LRRC4C: variants seen among roughly 807,000 people sequenced by gnomAD.
LRRC4C encodes the protein leucine rich repeat containing 4C, also known as leucine-rich repeat-containing protein 4C.
Under a neutral mutation model 33.6 loss-of-function variants are expected in LRRC4C, and 5 were observed. That is an observed-to-expected ratio of 0.15 (90% CI 0.08 to 0.31). LRRC4C has a LOEUF of 0.31. LRRC4C is among the 10% of genes least tolerant of loss of function. The pLI, the probability that LRRC4C is intolerant of heterozygous loss-of-function variation, is 1.00. For missense variants in LRRC4C, 560 were observed against 796.7 expected (o/e 0.70, Z 3.58); for synonymous variants, 329 against 302.0 (o/e 1.09, Z -0.93).
intron 1 of LRRC4C, among the ~76,000 whole-genome samples, chr11:41,116,715 C>T (rs1178354766): frequency 1.3e-5 from 2 of 152,028 alleles, no homozygotes; most frequent in East Asian, 3.9e-4. Flanking sequence ...TTGATGCTAT[C>T]CTGATGATAT....
rs58316595 is a variant in LRRC4C at position 40,730,940 on chromosome 11, G to T, written c.-406-82662C>A. On this transcript the variant is annotated intron_variant, in intron 2 of 6. Coordinates refer to ENST00000528697, the MANE Select transcript of LRRC4C (RefSeq NM_001258419.2). ...CAGTGTTGGCTGTAGGGCCTGGTGG[G>T]AGGTGTTTGTCTCAAGGGGGTGGAA... Among the ~76,000 whole-genome samples, 147 of 152,308 alleles carry T rather than the reference G, an allele frequency of 9.7e-4. 1 individual carries two copies. The highest frequency in any genetic ancestry group is 3.5e-3 in the African/African-American group (144 of 41,580).
At chr11:41,069,182 T>C (rs1056083236) in intron 1 of LRRC4C, among the ~76,000 whole-genome samples, 2 of 152,122 alleles carry the variant, frequency 1.3e-5, no homozygotes, top group African/African-American at 4.8e-5. Flanking sequence ...TTGATTATTC[T>C]AATAGAGACA....
intron 2 of LRRC4C, among the ~76,000 whole-genome samples, chr11:40,784,577 C>G (rs905803802): frequency 6.6e-6 from 1 of 152,168 alleles, no homozygotes; most frequent in South Asian, 2.1e-4. Flanking sequence ...ATTGATGCCT[C>G]ACAAACACCC....
At chr11:40,168,603 G>T (rs1386927113) in intron 5 of LRRC4C, among the ~76,000 whole-genome samples, 1 of 152,156 alleles carries the variant, frequency 6.6e-6, no homozygotes, top group Non-Finnish European at 1.5e-5. Flanking sequence ...CAGCCACATG[G>T]TCCTGCTTTA....
intron 1 of LRRC4C, among the ~76,000 whole-genome samples, chr11:41,316,287 A>AAAAAAAAAAAAAAAAG (rs1591248148): frequency 6.6e-6 from 1 of 151,486 alleles, no homozygotes. Flanking sequence ...AAACAAAAAA[A>AAAAAAAAAAAAAAAAG]AACAAACATG....
chr11:40,482,945 T>C (rs1953664782), intron 3 of LRRC4C, among the ~76,000 whole-genome samples: 1 of 152,162 alleles, frequency 6.6e-6, no homozygotes, highest in Admixed American at 6.5e-5. Context: ...AAACACTTAG[T>C]AAACTTTTAT....
rs567422215 is a variant in LRRC4C at position 40,830,900 on chromosome 11, T to C, written c.-407+102735A>G. Reference sequence around the variant, plus strand: ...AATTATCATGGTTCGTGTTAACTTATTAGCTGCAGTAAAGTGGCTGTTGAA... The same window carrying C: ...AATTATCATGGTTCGTGTTAACTTACTAGCTGCAGTAAAGTGGCTGTTGAA... On this transcript the variant is annotated intron_variant, in intron 2 of 6. Transcript: ENST00000528697. Among the ~76,000 whole-genome samples, 5 of 152,264 alleles carry C rather than the reference T, an allele frequency of 3.3e-5. No homozygotes were observed. The East Asian group carries it at 7.7e-4, about 24-fold the overall frequency.
rs560628512 is a variant in LRRC4C, at chr11:40,770,528, C to A, written c.-406-122250G>T. On this transcript the variant is annotated intron_variant, in intron 2 of 6. Coordinates refer to ENST00000528697, the MANE Select transcript of LRRC4C (RefSeq NM_001258419.2). ...CTCATGTTTCTCACATTTCAAAACA[C>A]AATTATACCTTCCCAACAGTTCCTC... Among the ~76,000 whole-genome samples, 4 of 152,294 alleles carry A rather than the reference C, an allele frequency of 2.6e-5. No individual in the cohort carries two copies. In the East Asian group the frequency reaches 7.7e-4, roughly 29 times the overall value.
chr11:40,188,585 C>G (rs1018548175), intron 5 of LRRC4C, among the ~76,000 whole-genome samples: 2 of 152,098 alleles, frequency 1.3e-5, no homozygotes, highest in African/African-American at 4.8e-5. Flanking sequence ...AAGGTTTGAA[C>G]AAAAAGATTT....
At chr11:40,404,990 A>C (rs1187710306) in intron 3 of LRRC4C, among the ~76,000 whole-genome samples, 1 of 152,074 alleles carries the variant, frequency 6.6e-6, no homozygotes, top group Non-Finnish European at 1.5e-5. Flanking sequence ...AAAATTCTAA[A>C]TACAACACAC....
intron 1 of LRRC4C, among the ~76,000 whole-genome samples, chr11:40,999,831 C>G (rs534587791): frequency 6.6e-6 from 1 of 152,060 alleles, no homozygotes; most frequent in Admixed American, 6.6e-5. Context: ...CCTAGCAGAG[C>G]GTGAAAGGCA....
chr11:41,448,122 G>GTTTTTTT (rs71063918), intron 1 of LRRC4C, among the ~76,000 whole-genome samples: 497 of 46,890 alleles, frequency 0.011, 86 homozygotes, highest in Middle Eastern at 0.021. Flanking sequence ...GCACACGTCT[G>GTTTTTTT]TTTTTTTTTT....
intron 5 of LRRC4C, among the ~76,000 whole-genome samples, chr11:40,233,087 C>T (rs1865315625): frequency 6.6e-6 from 1 of 152,068 alleles, no homozygotes; most frequent in East Asian, 1.9e-4. Flanking sequence ...TTTAAAAATC[C>T]CTTTATTTTA....
intron 2 of LRRC4C, among the ~76,000 whole-genome samples, chr11:40,812,972 C>T (rs529397689): frequency 4.6e-5 from 7 of 152,258 alleles, no homozygotes; most frequent in African/African-American, 1.7e-4. Context: ...ATATACAGTG[C>T]ATTTCTTCAC....
intron 3 of LRRC4C, among the ~76,000 whole-genome samples, chr11:40,327,640 A>C (rs1946163122): frequency 6.6e-6 from 1 of 152,024 alleles, no homozygotes; most frequent in Admixed American, 6.5e-5. Flanking sequence ...CCATTCCCTT[A>C]ATAAACATTT....
At chr11:40,131,804 A>G (rs541375662) in intron 6 of LRRC4C, among the ~76,000 whole-genome samples, 1 of 152,326 alleles carries the variant, frequency 6.6e-6, no homozygotes, top group South Asian at 2.1e-4. Flanking sequence ...AAGTCCGTAT[A>G]TGGAGAATGG....
intron 1 of LRRC4C, among the ~76,000 whole-genome samples, chr11:41,070,381 C>A (rs1379052574): frequency 2.0e-5 from 3 of 152,008 alleles, no homozygotes; most frequent in Non-Finnish European, 4.4e-5. Context: ...ATGAAAACAC[C>A]AAAAGCAATT....
At chr11:40,439,691 A>T (rs573888784) in intron 3 of LRRC4C, among the ~76,000 whole-genome samples, 2 of 152,116 alleles carry the variant, frequency 1.3e-5, no homozygotes, top group African/African-American at 4.8e-5. Flanking sequence ...TGACATCATG[A>T]TCCACCTGTC....
At chr11:40,852,841 T>C (rs1953579564) in intron 2 of LRRC4C, among the ~76,000 whole-genome samples, 1 of 152,220 alleles carries the variant, frequency 6.6e-6, no homozygotes, top group South Asian at 2.1e-4. Flanking sequence ...AACAGAGAAC[T>C]GTCAATCATG....
Sources: allele counts gnomAD v4.1 joint callset (sites outside exome capture counted in the v4.1 genomes callset), GRCh38; gene constraint gnomAD v4.1.1; transcripts MANE v1.5; gene names NCBI Gene and HGNC (gene_info 2026-07-23, HGNC 2026-07-21).